The following PTCH2 variants were observed in gnomAD, a reference collection of about 807,000 sequenced individuals.
The protein encoded by PTCH2 is protein patched homolog 2.
PTCH2 carries 96 observed loss-of-function variants against 117.9 expected under a neutral mutation model. That is an observed-to-expected ratio of 0.81 (90% CI 0.69 to 0.96). PTCH2 has a LOEUF of 0.96. PTCH2 is among the 50% of genes least tolerant of loss of function. PTCH2 has a pLI of 0.00. For missense variants in PTCH2, 1,379 were observed against 1,562.5 expected (o/e 0.88, Z 1.98); for synonymous variants, 615 against 660.9 (o/e 0.93, Z 1.06).
chr1:44,822,225 A>G lies in PTCH2; in HGVS notation c.*190T>C. 1 of 1,479,232 alleles carries G rather than the reference A, an allele frequency of 6.8e-7. No individual in the cohort carries two copies. Among genetic ancestry groups the G allele is most frequent in the Non-Finnish European group, 8.9e-7 (1 of 1,120,846 alleles). 91.6% of individuals were successfully genotyped at this position (1,479,232 alleles called of 1,614,324 possible). On this transcript the variant is annotated 3_prime_UTR_variant, in exon 22 of 22. Coordinates refer to ENST00000372192, the MANE Select transcript of PTCH2 (RefSeq NM_003738.5). The stretch of plus-strand genomic sequence containing the variant: ...TCAAGTGACACAGATACAGGCTCAC[A>G]CAGGCCTGGATGTGCAAATCGGTGG...
downstream of PTCH2, chr1:44,819,905 C>G (rs745579203): frequency 2.0e-5 from 3 of 153,194 alleles, no homozygotes; most frequent in Non-Finnish European, 4.4e-5. Flanking sequence ...TAAGAGGCCT[C>G]AAAAAATTGA....
At position 44,832,386 on chromosome 1, in the gene PTCH2, G is replaced by A. The variant is rs11573572; in HGVS notation, c.266-45C>T. 889 of 1,607,220 alleles carry A rather than the reference G, an allele frequency of 5.5e-4. 5 individuals are homozygous for A. In the African/African-American group the frequency reaches 0.01, roughly 18 times the overall value. On this transcript the variant is annotated intron_variant, in intron 2 of 21. Transcript: ENST00000372192. ...AAGCTGGGGGGGAAAGGGCCTAGGCGGGTCAGAACTTGGGAAGGGGGCTTC... is the reference window on the plus strand; with the variant it reads ...AAGCTGGGGGGGAAAGGGCCTAGGCAGGTCAGAACTTGGGAAGGGGGCTTC...
chr1:44,820,183 T>A (rs1013058864), downstream of PTCH2: 2 of 351,440 alleles, frequency 5.7e-6, no homozygotes, highest in Non-Finnish European at 5.7e-6. Flanking sequence ...CTTGAGGGTA[T>A]CTTTTCGTGG....
chr1:44,828,175 CCTGAG>C lies in PTCH2; in HGVS notation c.1721_1725del (p.Ala574GlyfsTer32). 1 of 1,613,712 alleles carries C rather than the reference CCTGAG, an allele frequency of 6.2e-7. No homozygotes were observed. Among genetic ancestry groups the C allele is most frequent in the Non-Finnish European group, 8.5e-7 (1 of 1,180,044 alleles). ...AGCTCCTGGGGCAGGATCTGAATCA[CCTGAG>C]CAGAGCAGGGACTGGAAGAGGTAGA... On this transcript the variant is annotated frameshift_variant, in exon 14 of 22. Transcript: ENST00000372192. LOFTEE classifies it high-confidence loss of function.
At position 44,827,718 on chromosome 1, in the gene PTCH2, C is replaced by T. The variant is rs547468737; in HGVS notation, c.2059-4G>A. The T allele has an allele frequency of 9.1e-5, 147 of 1,610,686 alleles. No homozygotes were observed. The highest frequency in any genetic ancestry group is 5.1e-4 in the East Asian group (23 of 44,858). ...CAAAGAGCACCAGCACGATGGCCTG[C>T]GGGATGTAGCAACTAAGCTGGAGAC... On this transcript the variant is annotated splice_region_variant and splice_polypyrimidine_tract_variant and intron_variant, in intron 14 of 21. Transcript: ENST00000372192.
intron 2 of PTCH2, among the ~76,000 whole-genome samples, chr1:44,833,958 C>A (rs569981734): frequency 6.6e-6 from 1 of 151,836 alleles, no homozygotes; most frequent in East Asian, 1.9e-4. Flanking sequence ...TTTTTCAAAC[C>A]CATGTAATCT....
intron 9 of PTCH2, 42 bp from the exon 10 acceptor site, chr1:44,829,354 C>T (rs1390811041): frequency 5.0e-6 from 8 of 1,613,828 alleles, no homozygotes; most frequent in Non-Finnish European, 6.8e-6. Context: ...CCAGGGTGGG[C>T]ACTGGTTGGA....
In PTCH2 at chr1:44,831,077, G is replaced by A. The variant is rs753090293; in HGVS notation, c.618-34C>T. On this transcript the variant is annotated intron_variant, in intron 5 of 21. Transcript: ENST00000372192. This position sits in a 1 kb window ranked among gnomAD's most constrained non-coding sequence, Gnocchi z 4.3. The stretch of plus-strand genomic sequence containing the variant: ...AAAGCCTATAGTTGGTGAGGGTCAG[G>A]GACGAAAACCCAGGCTCCAAACTGC... The A allele has an allele frequency of 1.1e-5, 18 of 1,596,946 alleles. No homozygotes were observed. The Admixed American group carries it at 2.5e-4, about 22-fold the overall frequency.
chr1:44,830,043 A>G lies in PTCH2; in HGVS notation c.814-13T>C, dbSNP rs1481132843. 3.7e-6 allele frequency: 6 copies of G among 1,613,758 alleles called. No individual in the cohort carries two copies. Among genetic ancestry groups the G allele is most frequent in the African/African-American group, 1.3e-5 (1 of 74,938 alleles). On this transcript the variant is annotated splice_polypyrimidine_tract_variant and intron_variant, in intron 6 of 21. Transcript: ENST00000372192. The stretch of plus-strand genomic sequence containing the variant: ...CCACATTGGGAGCCTGGAGGGGAAC[A>G]GGAGGGGTTAATGCTCAAGGCCCTG...
chr1:44,829,430 G>A lies in PTCH2; in HGVS notation c.1187C>T (p.Ala396Val), dbSNP rs2148877624. The A allele has an allele frequency of 1.2e-6, 2 of 1,614,228 alleles. No individual in the cohort carries two copies. The highest frequency in any genetic ancestry group is 2.2e-5 in the South Asian group (2 of 91,092). The change falls in exon 9 of 22, where the codon GCC becomes GTC. Residue 396 changes from alanine (A) to valine (V), a missense_variant. By Grantham distance (64) the Ala-to-Val change is moderately conservative (BLOSUM62 0). Transcript: ENST00000372192. ...ILHAFSEVSA[A>V]RVVGGYLLML... ...GAGCAGATAGCCTCCCACCACACGG[G>A]CAGCACTGACTTCAGAGAACGCATG...
At chr1:44,835,114 A>G (rs1357141608) in intron 2 of PTCH2, among the ~76,000 whole-genome samples, 1 of 152,212 alleles carries the variant, frequency 6.6e-6, no homozygotes, top group Non-Finnish European at 1.5e-5. Context: ...TTTGTCACCC[A>G]GGCTGGAGTG....
In PTCH2 at chr1:44,826,825, C is replaced by T. The variant is rs934831768; in HGVS notation, c.2696-57G>A. 1.0e-4 allele frequency: 162 copies of T among 1,609,864 alleles called. No individual in the cohort carries two copies. The highest frequency in any genetic ancestry group is 1.3e-4 in the Non-Finnish European group (158 of 1,177,118). On this transcript the variant is annotated intron_variant, in intron 17 of 21. Coordinates refer to ENST00000372192, the MANE Select transcript of PTCH2 (RefSeq NM_003738.5). This position sits in a 1 kb window ranked among gnomAD's most constrained non-coding sequence, Gnocchi z 5.1. ...GAGGGACAGGGCGGTGAGCACGGGG[C>T]AGAGTGGGCAGGGCCTCAGGCTCAG...
At chr1:44,822,771 C>T in intron 21 of PTCH2, 102 bp from the exon 22 acceptor site, 2 of 1,278,868 alleles carry the variant, frequency 1.6e-6, no homozygotes, top group South Asian at 1.2e-5. Context: ...AAGCTGGGGC[C>T]CTTGTTGGTC....
chr1:44,841,714 G>T, intron 2 of PTCH2, 133 bp downstream of exon 2: 1 of 905,538 alleles, frequency 1.1e-6, no homozygotes, highest in Non-Finnish European at 1.8e-6. Context: ...ATGCCCAGGT[G>T]TAGGACTCTG....
downstream of PTCH2, chr1:44,819,994 G>A (rs561199379): frequency 2.4e-4 from 37 of 156,762 alleles, 1 homozygote; most frequent in Admixed American, 3.7e-4. Context: ...AGAAACCCGA[G>A]TATATTCGTG....
Position 44,828,607 on chromosome 1 carries a change from G to T in PTCH2, c.1489C>A (p.Arg497Ser). 6.2e-7 allele frequency: 1 copy of T among 1,613,368 alleles called. No homozygotes were observed. The highest frequency in any genetic ancestry group is 8.5e-7 in the Non-Finnish European group (1 of 1,179,732). The change falls in exon 12 of 22, where the codon CGC becomes AGC. Residue 497 changes from arginine to serine, a missense_variant. Coordinates refer to ENST00000372192, the MANE Select transcript of PTCH2 (RefSeq NM_003738.5). ...GTGAGTACGACACTGGTGCCCGTGCGCTGCAGACACTCGCCCATGCGCTCC... is the reference window on the plus strand; with the variant it reads ...GTGAGTACGACACTGGTGCCCGTGCTCTGCAGACACTCGCCCATGCGCTCC... Reference protein sequence around the residue: ...LQERMGECLQRTGTSVVLTSI... With the variant: ...LQERMGECLQSTGTSVVLTSI...
At chr1:44,820,178 G>T (rs746055680), downstream of PTCH2, 1 of 352,020 alleles carries the variant, frequency 2.8e-6, no homozygotes, top group Non-Finnish European at 5.7e-6. Flanking sequence ...AGCATCTTGA[G>T]GGTATCTTTT....
At chr1:44,837,044 C>CA (rs1365764673) in intron 2 of PTCH2, among the ~76,000 whole-genome samples, 1 of 152,178 alleles carries the variant, frequency 6.6e-6, no homozygotes, top group Non-Finnish European at 1.5e-5. Context: ...AGTCTGAGGA[C>CA]AAAAGTCCAG....
intron 6 of PTCH2, 141 bp downstream of exon 6, chr1:44,830,707 G>T: frequency 1.3e-6 from 1 of 772,348 alleles, no homozygotes; most frequent in South Asian, 3.1e-5. Context: ...TTGGGGGCCT[G>T]GCACTGTGGG....
Sources: gnomAD v4.1 joint callset for allele counts (sites outside exome capture counted in the v4.1 genomes callset) on GRCh38, gnomAD v4.1.1 for gene constraint, Gnocchi (gnomAD v3.1) non-coding constraint, MANE v1.5 for transcripts, NCBI Gene and HGNC (gene_info 2026-07-23, HGNC 2026-07-21) for gene names.